The following HMGCLL1 variants were observed in gnomAD, a reference collection of about 807,000 sequenced individuals.
The protein encoded by HMGCLL1 is 3-hydroxy-3-methylglutaryl-CoA lyase like 1.
A neutral mutation model predicts 39.1 loss-of-function variants in HMGCLL1; 36 were observed. The observed-to-expected ratio is 0.92, with a 90% CI of 0.71 to 1.22. HMGCLL1 has a LOEUF of 1.22. HMGCLL1 is among the 50% of genes most tolerant of loss of function. The pLI is 0.00. For missense variants in HMGCLL1, 451 were observed against 416.5 expected (o/e 1.08, Z -0.72); for synonymous variants, 149 against 144.0 (o/e 1.03, Z -0.25).
chr6:55,591,139 T>C, the HMGCLL1 span, among the ~76,000 whole-genome samples: 5 of 151,958 alleles, frequency 3.3e-5, no homozygotes, highest in Non-Finnish European at 7.4e-5. Context: ...TGCTCAGAGA[T>C]GTTAAATTTT....
chr6:55,608,245 T>C, the HMGCLL1 span, among the ~76,000 whole-genome samples: 1 of 152,224 alleles, frequency 6.6e-6, no homozygotes, highest in Non-Finnish European at 1.5e-5. Flanking sequence ...ATGTACTCCA[T>C]GGGGACACTG....
At chr6:55,563,570 G>A in intron 1 of HMGCLL1, among the ~76,000 whole-genome samples, 1 of 152,036 alleles carries the variant, frequency 6.6e-6, no homozygotes, top group East Asian at 1.9e-4. Context: ...CTTTGTGAAA[G>A]TGTTCCCAGC....
upstream of HMGCLL1, chr6:55,579,208 C>G (rs979201311): frequency 1.9e-5 from 12 of 637,592 alleles, no homozygotes; most frequent in Non-Finnish European, 2.2e-5. Context: ...GCGGCGGCGC[C>G]GAGAGGGCGG....
intron 7 of HMGCLL1, among the ~76,000 whole-genome samples, chr6:55,455,641 A>AT (rs1366921760): frequency 6.6e-6 from 1 of 152,212 alleles, no homozygotes. Flanking sequence ...GAAAGTAGAC[A>AT]TATTCTGTAT....
intron 7 of HMGCLL1, among the ~76,000 whole-genome samples, chr6:55,451,382 G>A (rs1455048150): frequency 6.6e-6 from 1 of 152,068 alleles, no homozygotes; most frequent in Non-Finnish European, 1.5e-5. Context: ...CAGCACTTTG[G>A]GAGACTGAGG....
the HMGCLL1 span, among the ~76,000 whole-genome samples, chr6:55,639,608 T>A: frequency 6.6e-6 from 1 of 152,024 alleles, no homozygotes; most frequent in Non-Finnish European, 1.5e-5. Flanking sequence ...GTTGCTGCTC[T>A]CCACACATAA....
chr6:55,519,603 G>A (rs541257166), intron 3 of HMGCLL1, among the ~76,000 whole-genome samples: 5 of 152,082 alleles, frequency 3.3e-5, no homozygotes, highest in Admixed American at 6.6e-5. Flanking sequence ...ACTTATTTCC[G>A]ATAATAAGCA....
chr6:55,619,606 G>A, the HMGCLL1 span, among the ~76,000 whole-genome samples: 3 of 152,104 alleles, frequency 2.0e-5, no homozygotes, highest in African/African-American at 7.2e-5. Flanking sequence ...GGGTATGTGA[G>A]ATATTTTGAT....
intron 1 of HMGCLL1, among the ~76,000 whole-genome samples, chr6:55,543,117 A>C (rs1479058660): frequency 9.1e-5 from 2 of 22,064 alleles, no homozygotes; most frequent in Non-Finnish European, 8.4e-5. Flanking sequence ...TATAATATAT[A>C]ATATATATCA....
intron 1 of HMGCLL1, among the ~76,000 whole-genome samples, chr6:55,568,345 C>A (rs916017152): frequency 1.3e-5 from 2 of 152,078 alleles, no homozygotes. Flanking sequence ...TTAGGCTCCA[C>A]CCTGCAGAAA....
At chr6:55,462,379 C>A (rs1199910265) in intron 7 of HMGCLL1, among the ~76,000 whole-genome samples, 2 of 152,086 alleles carry the variant, frequency 1.3e-5, no homozygotes, top group Admixed American at 1.3e-4. Context: ...GGGTTTGTTC[C>A]CTTTCTCAAT....
At chr6:55,643,624 T>C in the HMGCLL1 span, among the ~76,000 whole-genome samples, 1 of 151,964 alleles carries the variant, frequency 6.6e-6, no homozygotes, top group Non-Finnish European at 1.5e-5. Flanking sequence ...ATACTACCAT[T>C]CCCAACCTGT....
At chr6:55,675,217 C>G in the HMGCLL1 span, among the ~76,000 whole-genome samples, 1 of 151,920 alleles carries the variant, frequency 6.6e-6, no homozygotes, top group Non-Finnish European at 1.5e-5. Context: ...CCAGAAGTTT[C>G]GATAGTAAAT....
the HMGCLL1 span, among the ~76,000 whole-genome samples, chr6:55,669,196 A>T: frequency 6.6e-6 from 1 of 151,832 alleles, no homozygotes; most frequent in Non-Finnish European, 1.5e-5. Context: ...CATTAGTAGC[A>T]TACAAAAGTT....
chr6:55,545,682 T>C (rs1484107271), intron 1 of HMGCLL1, among the ~76,000 whole-genome samples: 4 of 152,052 alleles, frequency 2.6e-5, no homozygotes, highest in Non-Finnish European at 4.4e-5. Flanking sequence ...GGGAGAAATA[T>C]GTTCTGGTGG....
At chr6:55,585,122 G>C in the HMGCLL1 span, among the ~76,000 whole-genome samples, 1 of 152,032 alleles carries the variant, frequency 6.6e-6, no homozygotes, top group Admixed American at 6.6e-5. Context: ...CAATAGAATT[G>C]TTCTGAAATA....
At chr6:55,676,293 A>G in the HMGCLL1 span, among the ~76,000 whole-genome samples, 1 of 152,200 alleles carries the variant, frequency 6.6e-6, no homozygotes, top group Non-Finnish European at 1.5e-5. Flanking sequence ...CAGCTACCAT[A>G]AACTACTGAC....
chr6:55,583,299 C>T (rs1423609482), upstream of HMGCLL1, among the ~76,000 whole-genome samples: 1 of 151,880 alleles, frequency 6.6e-6, no homozygotes, highest in Non-Finnish European at 1.5e-5. Context: ...CACCCATTAA[C>T]TAGTCATTTA....
At chr6:55,464,322 A>G (rs1229201478) in intron 7 of HMGCLL1, among the ~76,000 whole-genome samples, 1 of 152,174 alleles carries the variant, frequency 6.6e-6, no homozygotes, top group African/African-American at 2.4e-5. Context: ...GGAAAAAGTG[A>G]AAGATGTAAA....
Sources: gnomAD v4.1 joint callset for allele counts (sites outside exome capture counted in the v4.1 genomes callset) on GRCh38, gnomAD v4.1.1 for gene constraint, MANE v1.5 for transcripts, NCBI Gene and HGNC (gene_info 2026-07-23, HGNC 2026-07-21) for gene names.